Variants in PCDHGA5 observed in about 807,000 individuals in gnomAD.
PCDHGA5 encodes protocadherin gamma subfamily A, 5.
Under a neutral mutation model 56.7 loss-of-function variants are expected in PCDHGA5, and 36 were observed. The ratio of observed to expected loss-of-function variants is 0.64; its 90% CI spans 0.49 to 0.84. PCDHGA5 has a LOEUF of 0.84. PCDHGA5 is among the 40% of genes least tolerant of loss of function. The probability of loss-of-function intolerance (pLI) is 0.00; values close to 1 mark genes in which losing one functional copy is unlikely to be tolerated. For synonymous variants in PCDHGA5, 563 were observed against 520.2 expected, an observed-to-expected ratio of 1.08 and a Z score of -1.12; for missense variants, 1,305 against 1,201.5, an observed-to-expected ratio of 1.09 and a Z score of -1.27.
At chr5:141,421,993 A>G in intron 1 of PCDHGA5, 1 of 1,609,190 alleles carries the variant, frequency 6.2e-7, no homozygotes, top group South Asian at 1.1e-5. Flanking sequence ...TCCAGAAAAC[A>G]TCAGCTCCGG....
intron 1 of PCDHGA5, chr5:141,413,192 A>G: frequency 1.2e-6 from 2 of 1,607,816 alleles, no homozygotes; most frequent in South Asian, 2.2e-5. Context: ...GCTCAAAGGA[A>G]TCGCTCAAAG....
At chr5:141,405,440 GAC>G (rs1297950312) in intron 1 of PCDHGA5, 3 of 1,417,402 alleles carry the variant, frequency 2.1e-6, no homozygotes, top group Non-Finnish European at 2.9e-6. Flanking sequence ...TTGTTTTTGA[GAC>G]AGAGTCTTAC....
intron 3 of PCDHGA5, among the ~76,000 whole-genome samples, chr5:141,506,799 A>G (rs1026030023): frequency 5.3e-5 from 8 of 152,198 alleles, no homozygotes; most frequent in Admixed American, 3.9e-4. Flanking sequence ...CTGGCAGAGG[A>G]TCAAGGCATT....
intron 1 of PCDHGA5, chr5:141,374,002 C>A (rs1770015960): frequency 1.5e-6 from 2 of 1,320,574 alleles, no homozygotes; most frequent in South Asian, 4.1e-5. Flanking sequence ...AGGACCTTCA[C>A]CGCTATTTCT....
intron 2 of PCDHGA5, among the ~76,000 whole-genome samples, chr5:141,495,690 G>A (rs1261694815): frequency 1.3e-5 from 2 of 152,172 alleles, no homozygotes; most frequent in East Asian, 3.9e-4. Context: ...TGGCATAAGT[G>A]CTCAATAAAT....
Position 141,383,215 on chromosome 5 carries a change from T to C in PCDHGA5, c.2421+16464T>C, listed in dbSNP as rs375026409. ...TCAGAGTGCGCGGTGTCTGGTAAAC[T>C]TTAACATCCTGATGGAAGATAAAAT... On this transcript the variant is annotated intron_variant, in intron 1 of 3. Coordinates refer to ENST00000518069, the MANE Select transcript of PCDHGA5 (RefSeq NM_018918.3). The C allele has an allele frequency of 5.6e-6, 9 of 1,613,884 alleles. No individual in the cohort carries two copies. The African/African-American group carries it at 1.2e-4, about 22-fold the overall frequency.
chr5:141,507,287 C>G (rs79707942), intron 3 of PCDHGA5: 1 of 148,974 alleles, frequency 6.7e-6, no homozygotes, highest in East Asian at 1.9e-4. Context: ...AAGTCAGTCT[C>G]AAATGTTGCA....
chr5:141,405,353 A>G lies in PCDHGA5; in HGVS notation c.2421+38602A>G, dbSNP rs187461819. 6.9e-5 allele frequency: 112 copies of G among 1,614,026 alleles called. No homozygotes were observed. Among genetic ancestry groups the G allele is most frequent in the Admixed American group, 5.8e-4 (35 of 60,010 alleles). On this transcript the variant is annotated intron_variant, in intron 1 of 3. Coordinates refer to ENST00000518069, the MANE Select transcript of PCDHGA5 (RefSeq NM_018918.3). Reference sequence around the variant, plus strand: ...CGTCTCTGTTGATTCCAAGTTTCCTATAGAAGACACCCCTTTGGTTCCGGT... The same window carrying G: ...CGTCTCTGTTGATTCCAAGTTTCCTGTAGAAGACACCCCTTTGGTTCCGGT...
At chr5:141,389,439 G>C (rs201120335) in intron 1 of PCDHGA5, 1 of 1,610,580 alleles carries the variant, frequency 6.2e-7, no homozygotes, top group Non-Finnish European at 8.5e-7. Flanking sequence ...GCGCGCCTTC[G>C]ACCACGAGCA....
In PCDHGA5 at chr5:141,375,141, G is replaced by A. The variant is rs745587842; in HGVS notation, c.2421+8390G>A. Reference sequence around the variant, plus strand: ...CCAGAAGTGGTTGTTACATCTGGAAGCAGAACAATTGCTGAAAGTGCACCT... The same window carrying A: ...CCAGAAGTGGTTGTTACATCTGGAAACAGAACAATTGCTGAAAGTGCACCT... On this transcript the variant is annotated intron_variant, in intron 1 of 3. Transcript: ENST00000518069. The A allele has an allele frequency of 1.9e-6, 3 of 1,613,962 alleles. No individual in the cohort carries two copies. Among genetic ancestry groups the A allele is most frequent in the Admixed American group, 1.7e-5 (1 of 60,032 alleles).
intron 1 of PCDHGA5, among the ~76,000 whole-genome samples, chr5:141,465,888 C>T (rs1031908926): frequency 5.3e-5 from 8 of 151,942 alleles, no homozygotes; most frequent in South Asian, 2.1e-4. Context: ...TTTGGGAGGC[C>T]GAGGCGGGCA....
Position 141,393,873 on chromosome 5 carries a change from A to G in PCDHGA5, c.2421+27122A>G, listed in dbSNP as rs759255236. The G allele has an allele frequency of 1.9e-6, 3 of 1,613,916 alleles. No individual in the cohort carries two copies. In the Admixed American group the frequency reaches 5.0e-5, roughly 27 times the overall value. On this transcript the variant is annotated intron_variant, in intron 1 of 3. Coordinates refer to ENST00000518069, the MANE Select transcript of PCDHGA5 (RefSeq NM_018918.3). ...AGAAGTGATCATTACGTCTTTGTTT[A>G]GCCCAGTGTTAGAAAATTCTCTTCC...
In PCDHGA5 at chr5:141,485,053, G is replaced by A. The variant is rs555996081; in HGVS notation, c.2422-9754G>A. On this transcript the variant is annotated intron_variant, in intron 1 of 3. Coordinates refer to ENST00000518069, the MANE Select transcript of PCDHGA5 (RefSeq NM_018918.3). The surrounding 1 kb of genome is among the most constrained non-coding windows in gnomAD (Gnocchi z 5.7). ...GCGCGTAACCCTTGCGGCGCCGGCC[G>A]AACCGCGCCAGAGCTGGCGCGGGGA... 6.9e-5 allele frequency: 57 copies of A among 820,742 alleles called. 2 individuals carry two copies. In the South Asian group the frequency reaches 9.3e-4, roughly 13 times the overall value. 50.8% of individuals were successfully genotyped at this position (820,742 alleles called of 1,614,324 possible).
intron 1 of PCDHGA5, chr5:141,439,735 G>A (rs1317592646): frequency 1.3e-5 from 2 of 152,360 alleles, no homozygotes; most frequent in Non-Finnish European, 2.9e-5. Flanking sequence ...AGCAGGAACG[G>A]AACGGATTTA....
In PCDHGA5 at chr5:141,476,245, G is replaced by C; in HGVS notation, c.2422-18562G>C. 3.1e-6 allele frequency: 5 copies of C among 1,614,086 alleles called. No homozygotes were observed. The highest frequency in any genetic ancestry group is 3.4e-6 in the Non-Finnish European group (4 of 1,180,026). On this transcript the variant is annotated intron_variant, in intron 1 of 3. Transcript: ENST00000518069. This position sits in a 1 kb window ranked among gnomAD's most constrained non-coding sequence, Gnocchi z 7.6. The stretch of plus-strand genomic sequence containing the variant: ...ATGAGATCCCGGAGGAAAGAGAGAA[G>C]GGTTTCGCTGTGGGCAACGTGGTCG...
chr5:141,418,749 C>A, intron 1 of PCDHGA5: 1 of 1,613,866 alleles, frequency 6.2e-7, no homozygotes, highest in South Asian at 1.1e-5. Flanking sequence ...CTGGATTACA[C>A]TACAGGAAAC....
chr5:141,491,500 G>A lies in PCDHGA5; in HGVS notation c.2422-3307G>A. ...CAGCCCCAACCTGCAGGTGAGCTCG[G>A]ACGGCACGCTCAAGTACATGGAGGT... On this transcript the variant is annotated intron_variant, in intron 1 of 3. Transcript: ENST00000518069. The surrounding 1 kb of genome is among the most constrained non-coding windows in gnomAD (Gnocchi z 6.9). 3 of 1,614,102 alleles carry A rather than the reference G, an allele frequency of 1.9e-6. No homozygotes were observed. The highest frequency in any genetic ancestry group is 2.7e-5 in the African/African-American group (2 of 75,066).
At chr5:141,404,593 A>C in intron 1 of PCDHGA5, 1 of 1,614,080 alleles carries the variant, frequency 6.2e-7, no homozygotes, top group Non-Finnish European at 8.5e-7. Flanking sequence ...GCAATGTGTC[A>C]TTGAGACTGT....
At chr5:141,474,126 A>G (rs1450071391) in intron 1 of PCDHGA5, among the ~76,000 whole-genome samples, 2 of 152,232 alleles carry the variant, frequency 1.3e-5, no homozygotes, top group African/African-American at 4.8e-5. Context: ...AAAATCTCAG[A>G]AAACTACAGG....
Sources: gnomAD v4.1 joint callset for allele counts (sites outside exome capture counted in the v4.1 genomes callset) on GRCh38, gnomAD v4.1.1 for gene constraint, Gnocchi (gnomAD v3.1) non-coding constraint, MANE v1.5 for transcripts, NCBI Gene and HGNC (gene_info 2026-07-23, HGNC 2026-07-21) for gene names.